DGKB: variants seen among roughly 807,000 people sequenced by gnomAD.
DGKB encodes diacylglycerol kinase beta.
A neutral mutation model predicts 114.3 loss-of-function variants in DGKB; 67 were observed. The ratio of observed to expected loss-of-function variants is 0.59; its 90% CI spans 0.48 to 0.72. The LOEUF is 0.72. Ranked by LOEUF, DGKB falls within the 30% of genes least tolerant of loss-of-function variation. DGKB has a pLI of 0.00. For synonymous variants in DGKB, 398 were observed against 323.1 expected, an observed-to-expected ratio of 1.23 and a Z score of -2.49; for missense variants, 907 against 975.2, an observed-to-expected ratio of 0.93 and a Z score of 0.93.
At chr7:14,288,487 C>A (rs1483879660) in intron 23 of DGKB, among the ~76,000 whole-genome samples, 1 of 152,006 alleles carries the variant, frequency 6.6e-6, no homozygotes, top group Admixed American at 6.6e-5. Context: ...GCCTAATTGA[C>A]AATTGCTGTC....
chr7:14,720,704 C>T (rs984596382), intron 5 of DGKB, among the ~76,000 whole-genome samples: 2 of 151,930 alleles, frequency 1.3e-5, no homozygotes, highest in African/African-American at 4.8e-5. Flanking sequence ...TACATTAATT[C>T]TACTTCTGTT....
chr7:14,759,432 T>G (rs1425255374), intron 2 of DGKB, among the ~76,000 whole-genome samples: 1 of 152,166 alleles, frequency 6.6e-6, no homozygotes, highest in African/African-American at 2.4e-5. Context: ...CCCTCTAACC[T>G]CTGGCTATCA....
intron 21 of DGKB, among the ~76,000 whole-genome samples, chr7:14,386,683 T>C (rs1202560551): frequency 6.6e-6 from 1 of 152,178 alleles, no homozygotes; most frequent in African/African-American, 2.4e-5. Context: ...TGTAGATAAC[T>C]GTCCCTCTGA....
chr7:14,536,427 A>T (rs1226958026), intron 20 of DGKB, among the ~76,000 whole-genome samples: 1 of 152,200 alleles, frequency 6.6e-6, no homozygotes, highest in East Asian at 1.9e-4. Flanking sequence ...ATATTTAGCA[A>T]ATCAAGTTCA....
chr7:14,444,817 A>G (rs1830519410), intron 21 of DGKB, among the ~76,000 whole-genome samples: 2 of 151,788 alleles, frequency 1.3e-5, no homozygotes, highest in African/African-American at 4.8e-5. Context: ...CAACCCTTCA[A>G]TTTCTGAACT....
chr7:14,253,689 C>A (rs1271248617), intron 23 of DGKB, among the ~76,000 whole-genome samples: 1 of 152,128 alleles, frequency 6.6e-6, no homozygotes, highest in African/African-American at 2.4e-5. Flanking sequence ...TATTGTTATA[C>A]TTGAAGTTGA....
At chr7:14,215,571 T>G (rs1788819151) in intron 23 of DGKB, among the ~76,000 whole-genome samples, 1 of 152,268 alleles carries the variant, frequency 6.6e-6, no homozygotes, top group Admixed American at 6.5e-5. Context: ...TTTTACACGT[T>G]TTATCTCATT....
At chr7:14,923,124 G>A (rs1021242110) in intron 1 of DGKB, among the ~76,000 whole-genome samples, 2 of 152,068 alleles carry the variant, frequency 1.3e-5, no homozygotes, top group African/African-American at 4.8e-5. Flanking sequence ...TCTCCTATGG[G>A]TTCTGATATT....
intron 20 of DGKB, among the ~76,000 whole-genome samples, chr7:14,555,291 C>G (rs1221950334): frequency 6.6e-6 from 1 of 152,064 alleles, no homozygotes; most frequent in African/African-American, 2.4e-5. Flanking sequence ...TTTTGTCTAA[C>G]TTTATATTCA....
chr7:14,808,766 T>C (rs1246538778), intron 2 of DGKB, among the ~76,000 whole-genome samples: 1 of 152,126 alleles, frequency 6.6e-6, no homozygotes, highest in Admixed American at 6.6e-5. Flanking sequence ...GATGAAACAG[T>C]GGAATGAACA....
At chr7:14,504,130 A>C (rs773828075) in intron 20 of DGKB, among the ~76,000 whole-genome samples, 2 of 152,232 alleles carry the variant, frequency 1.3e-5, no homozygotes, top group Admixed American at 6.5e-5. Context: ...ACTATATCAT[A>C]GTAGAAACAA....
chr7:14,637,577 TACA>T (rs1028289556), intron 13 of DGKB, among the ~76,000 whole-genome samples: 2 of 151,472 alleles, frequency 1.3e-5, no homozygotes, highest in African/African-American at 4.8e-5. Context: ...TACTTGTGAT[TACA>T]ACATTCAAAA....
intron 20 of DGKB, among the ~76,000 whole-genome samples, chr7:14,523,284 T>A (rs1199541315): frequency 6.6e-6 from 1 of 152,212 alleles, no homozygotes; most frequent in Non-Finnish European, 1.5e-5. Flanking sequence ...GAAGAAGGCA[T>A]CATGGAGACC....
At chr7:14,348,686 G>GA (rs1271564949) in intron 21 of DGKB, among the ~76,000 whole-genome samples, 1 of 151,832 alleles carries the variant, frequency 6.6e-6, no homozygotes, top group East Asian at 1.9e-4. Flanking sequence ...GGTCTATTAT[G>GA]AAAAATAATA....
At chr7:14,541,045 G>A (rs1373708693) in intron 20 of DGKB, among the ~76,000 whole-genome samples, 1 of 151,946 alleles carries the variant, frequency 6.6e-6, no homozygotes, top group Non-Finnish European at 1.5e-5. Context: ...AGACCACAAT[G>A]ATCCACTAGT....
intron 2 of DGKB, among the ~76,000 whole-genome samples, chr7:14,816,772 A>G (rs375054295): frequency 6.6e-6 from 1 of 152,324 alleles, no homozygotes; most frequent in Admixed American, 6.5e-5. Context: ...CATTCTGTCA[A>G]CACTTTGTAA....
At chr7:14,646,497 T>C (rs554790545) in intron 13 of DGKB, among the ~76,000 whole-genome samples, 1 of 152,146 alleles carries the variant, frequency 6.6e-6, no homozygotes, top group Non-Finnish European at 1.5e-5. Flanking sequence ...ATGAACCCAA[T>C]AGATATTTAC....
In DGKB at chr7:14,344,065, G is replaced by C. The variant is rs139858166; in HGVS notation, c.1926+1236C>G. On this transcript the variant is annotated intron_variant, in intron 22 of 25. Coordinates refer to ENST00000402815, the MANE Select transcript of DGKB (RefSeq NM_001350709.2). ...TATTATATAGATATACATGCATATA[G>C]TTATATATGTGTTATATATATCATT... Among the ~76,000 whole-genome samples the C allele has an allele frequency of 6.7e-3, 995 of 148,898 alleles. 10 individuals are homozygous for C. The highest frequency in any genetic ancestry group is 0.023 in the African/African-American group (944 of 40,822).
At chr7:14,560,567 A>G (rs915246763) in intron 20 of DGKB, among the ~76,000 whole-genome samples, 2 of 152,294 alleles carry the variant, frequency 1.3e-5, no homozygotes, top group South Asian at 2.1e-4. Flanking sequence ...AATAACATTC[A>G]GTTGTATGTA....
Sources: allele counts gnomAD v4.1 joint callset (sites outside exome capture counted in the v4.1 genomes callset), GRCh38; gene constraint gnomAD v4.1.1; transcripts MANE v1.5; gene names NCBI Gene and HGNC (gene_info 2026-07-23, HGNC 2026-07-21).